ATP8B4: variants seen among roughly 807,000 people sequenced by gnomAD.
ATP8B4 encodes probable phospholipid-transporting ATPase IM.
Under a neutral mutation model 145.6 loss-of-function variants are expected in ATP8B4, and 133 were observed. The observed-to-expected ratio is 0.91, with a 90% confidence interval of 0.79 to 1.05. The LOEUF is 1.05. Among genes scored for constraint, ATP8B4 ranks in the 50% least tolerant of loss-of-function variants. ATP8B4 has a pLI of 0.00. For synonymous variants in ATP8B4, 507 were observed against 492.9 expected, an observed-to-expected ratio of 1.03 and a Z score of -0.38; for missense variants, 1,458 against 1,425.2, an observed-to-expected ratio of 1.02 and a Z score of -0.37.
At chr15:50,023,507 T>A (rs540457912) in intron 6 of ATP8B4, among the ~76,000 whole-genome samples, 1 of 152,306 alleles carries the variant, frequency 6.6e-6, no homozygotes, top group East Asian at 1.9e-4. Context: ...TCTATTACTC[T>A]AAAATGCTCC....
chr15:50,028,621 C>T (rs1251064800), intron 6 of ATP8B4, among the ~76,000 whole-genome samples: 1 of 152,182 alleles, frequency 6.6e-6, no homozygotes, highest in African/African-American at 2.4e-5. Flanking sequence ...ATAAACCTAT[C>T]CTGTACCATA....
intron 3 of ATP8B4, among the ~76,000 whole-genome samples, chr15:50,071,651 A>G (rs188320334): frequency 1.1e-3 from 169 of 152,366 alleles, no homozygotes; most frequent in African/African-American, 4.0e-3. Context: ...AGAATGGATG[A>G]AAAGGCATGG....
At chr15:50,036,703 CA>C (rs1423085307) in intron 6 of ATP8B4, among the ~76,000 whole-genome samples, 4 of 152,306 alleles carry the variant, frequency 2.6e-5, no homozygotes, top group African/African-American at 7.2e-5. Flanking sequence ...GAAAATTCAA[CA>C]GATACTGTGG....
At chr15:50,103,228 T>G (rs1013599158) in intron 2 of ATP8B4, among the ~76,000 whole-genome samples, 4 of 152,106 alleles carry the variant, frequency 2.6e-5, no homozygotes, top group African/African-American at 9.7e-5. Context: ...AACATAGTAC[T>G]GGAAGTCCTA....
chr15:49,932,550 T>C (rs1271823822), intron 15 of ATP8B4, among the ~76,000 whole-genome samples: 3 of 152,078 alleles, frequency 2.0e-5, no homozygotes, highest in Admixed American at 6.6e-5. Context: ...TACAAACAAC[T>C]ATAAAAGCAT....
At chr15:50,049,860 G>A (rs758955708) in intron 3 of ATP8B4, among the ~76,000 whole-genome samples, 4 of 151,928 alleles carry the variant, frequency 2.6e-5, no homozygotes, top group Non-Finnish European at 5.9e-5. Flanking sequence ...TCTGACTGGT[G>A]TGAGATGGCA....
At chr15:49,878,615 G>A (rs2034877200) in intron 24 of ATP8B4, among the ~76,000 whole-genome samples, 1 of 152,176 alleles carries the variant, frequency 6.6e-6, no homozygotes, top group Admixed American at 6.5e-5. Context: ...CCCACAGGCA[G>A]CCAGACTTTT....
chr15:49,942,760 G>A (rs953347717), intron 14 of ATP8B4, among the ~76,000 whole-genome samples: 2 of 152,062 alleles, frequency 1.3e-5, no homozygotes, highest in Non-Finnish European at 2.9e-5. Context: ...GGGAGGCAGA[G>A]CTTGCAGTGA....
chr15:50,082,780 C>T (rs1369901101), intron 2 of ATP8B4, among the ~76,000 whole-genome samples: 7 of 152,160 alleles, frequency 4.6e-5, no homozygotes, highest in Non-Finnish European at 8.8e-5. Flanking sequence ...GCACTTATTA[C>T]AAGCTAGATA....
chr15:49,860,535 GC>G (rs2031468953), intron 27 of ATP8B4, 60 bp from the exon 28 acceptor site: 1 of 1,483,852 alleles, frequency 6.7e-7, no homozygotes, highest in Non-Finnish European at 9.0e-7. Flanking sequence ...CCAGGCAGTG[GC>G]CCACTTTGTA....
At chr15:50,030,781 C>A (rs1252249426) in intron 6 of ATP8B4, among the ~76,000 whole-genome samples, 1 of 152,144 alleles carries the variant, frequency 6.6e-6, no homozygotes, top group African/African-American at 2.4e-5. Flanking sequence ...ACTGGAAACC[C>A]ATGTGCAGAG....
intron 20 of ATP8B4, among the ~76,000 whole-genome samples, chr15:49,902,856 C>T (rs187588859): frequency 2.0e-5 from 3 of 152,298 alleles, no homozygotes; most frequent in Admixed American, 6.5e-5. Flanking sequence ...GAAAGCACCA[C>T]AGGGAAAACA....
intron 17 of ATP8B4, among the ~76,000 whole-genome samples, chr15:49,920,652 C>G (rs1339371750): frequency 6.6e-6 from 1 of 152,194 alleles, no homozygotes; most frequent in East Asian, 1.9e-4. Flanking sequence ...CTAAACACAG[C>G]TGAAAAGCCT....
At chr15:49,993,571 G>C (rs1483149028) in intron 9 of ATP8B4, among the ~76,000 whole-genome samples, 2 of 152,044 alleles carry the variant, frequency 1.3e-5, no homozygotes, top group Non-Finnish European at 2.9e-5. Flanking sequence ...TTTAAATTTG[G>C]CTGCTAACTG....
chr15:49,902,757 G>A (rs910975923), intron 20 of ATP8B4, among the ~76,000 whole-genome samples: 2 of 152,142 alleles, frequency 1.3e-5, no homozygotes, highest in Non-Finnish European at 2.9e-5. Flanking sequence ...AATGTACAGT[G>A]CCAAATAATA....
chr15:49,959,435 T>C (rs1039535694), intron 14 of ATP8B4, among the ~76,000 whole-genome samples: 6 of 151,950 alleles, frequency 3.9e-5, no homozygotes, highest in African/African-American at 1.4e-4. Flanking sequence ...AAAAAGACCA[T>C]ATTACTTTGT....
chr15:50,137,332 C>G (rs1036086714), intron 1 of ATP8B4, among the ~76,000 whole-genome samples: 10 of 152,182 alleles, frequency 6.6e-5, no homozygotes, highest in Non-Finnish European at 1.0e-4. Context: ...TGTCTAGATC[C>G]TCCATGTTAG....
intron 16 of ATP8B4, among the ~76,000 whole-genome samples, chr15:49,930,529 A>G (rs1476904100): frequency 1.3e-5 from 2 of 152,212 alleles, no homozygotes; most frequent in East Asian, 3.9e-4. Flanking sequence ...CTCTCCAGCA[A>G]TGGAGGTGGA....
intron 6 of ATP8B4, among the ~76,000 whole-genome samples, chr15:50,016,615 A>G (rs2049107768): frequency 6.6e-6 from 1 of 152,176 alleles, no homozygotes. Flanking sequence ...GAGCTGGAAC[A>G]GGCCTTTACA....
Sources: gnomAD v4.1 joint callset for allele counts (sites outside exome capture counted in the v4.1 genomes callset) on GRCh38, gnomAD v4.1.1 for gene constraint, MANE v1.5 for transcripts, NCBI Gene and HGNC (gene_info 2026-07-23, HGNC 2026-07-21) for gene names.